THADA: variants seen among roughly 807,000 people sequenced by gnomAD.
THADA encodes the protein tRNA (32-2'-O)-methyltransferase regulator THADA.
A neutral mutation model predicts 219.8 loss-of-function variants in THADA; 213 were observed. The ratio of observed to expected loss-of-function variants is 0.97; its 90% CI spans 0.87 to 1.09. The LOEUF is 1.09. THADA is among the 50% of genes least tolerant of loss of function. The probability of loss-of-function intolerance (pLI) is 0.00; values close to 1 mark genes in which losing one functional copy is unlikely to be tolerated. For synonymous variants in THADA, 1,018 were observed against 828.9 expected (o/e 1.23, Z -3.92); for missense variants, 2,956 against 2,311.3 (o/e 1.28, Z -5.72).
In THADA at chr2:43,546,432, T is replaced by C. The variant is rs560939529; in HGVS notation, c.3106+2778A>G. ...TCAATTCCTGGATATCCTTGTTAAC[T>C]TTCTGTCTCGTTGATCTGTCTAATG... On this transcript the variant is annotated intron_variant, in intron 20 of 37. Coordinates refer to ENST00000405975, the MANE Select transcript of THADA (RefSeq NM_022065.5). 3.9e-5 allele frequency among the ~76,000 whole-genome samples: 6 copies of C among 152,234 alleles called. No individual in the cohort carries two copies. In the South Asian group the frequency reaches 1.3e-3, roughly 32 times the overall value.
At chr2:43,572,741 G>A in intron 12 of THADA, 73 bp downstream of exon 12, 1 of 1,340,268 alleles carries the variant, frequency 7.5e-7, no homozygotes, top group Non-Finnish European at 1.0e-6. Flanking sequence ...TACAATGTAG[G>A]GGCCTCTATA....
chr2:43,295,727 A>G (rs1675291364), intron 31 of THADA, among the ~76,000 whole-genome samples: 1 of 104,322 alleles, frequency 9.6e-6, no homozygotes, highest in South Asian at 2.4e-4. Context: ...CAGGTAACAG[A>G]AAAATTTATT....
intron 23 of THADA, among the ~76,000 whole-genome samples, chr2:43,506,451 G>A (rs1004171879): frequency 3.3e-5 from 5 of 152,134 alleles, no homozygotes; most frequent in African/African-American, 7.2e-5. Flanking sequence ...AAAACATTAC[G>A]ATAAGTGAAA....
intron 7 of THADA, among the ~76,000 whole-genome samples, chr2:43,585,085 A>C (rs1183619041): frequency 6.6e-6 from 1 of 152,160 alleles, no homozygotes; most frequent in African/African-American, 2.4e-5. Context: ...ACGTACTGAC[A>C]TCTTTAGGTT....
chr2:43,285,567 G>GTTT (rs796871846), intron 35 of THADA, among the ~76,000 whole-genome samples: 1 of 141,468 alleles, frequency 7.1e-6, no homozygotes, highest in Non-Finnish European at 1.6e-5. Context: ...GTCTCAGGTA[G>GTTT]TTTTTTTTTT....
chr2:43,346,169 G>A (rs1298928106), intron 29 of THADA, among the ~76,000 whole-genome samples: 1 of 152,190 alleles, frequency 6.6e-6, no homozygotes, highest in Non-Finnish European at 1.5e-5. Context: ...GAAGGAGAGG[G>A]AGAAGAGAAG....
chr2:43,540,018 A>G (rs779841880), intron 21 of THADA, among the ~76,000 whole-genome samples: 17 of 152,338 alleles, frequency 1.1e-4, no homozygotes, highest in Non-Finnish European at 2.2e-4. Flanking sequence ...CCAAAAAACT[A>G]AATGTTTTAA....
intron 26 of THADA, among the ~76,000 whole-genome samples, chr2:43,480,711 G>C (rs1050305752): frequency 4.0e-5 from 6 of 151,630 alleles, no homozygotes; most frequent in Admixed American, 3.9e-4. Context: ...CCAGCTACTC[G>C]GGAGGCTGAG....
At chr2:43,444,305 T>A (rs936785214) in intron 26 of THADA, among the ~76,000 whole-genome samples, 1 of 152,210 alleles carries the variant, frequency 6.6e-6, no homozygotes, top group African/African-American at 2.4e-5. Context: ...TGTTTTACAC[T>A]CTCTGTGCCT....
chr2:43,286,257 G>C (rs1317446507), intron 35 of THADA, among the ~76,000 whole-genome samples: 1 of 152,120 alleles, frequency 6.6e-6, no homozygotes, highest in African/African-American at 2.4e-5. Flanking sequence ...AGGAGGAGTG[G>C]GCTAGGGGAC....
At chr2:43,440,039 G>C (rs1228230454) in intron 26 of THADA, among the ~76,000 whole-genome samples, 1 of 152,016 alleles carries the variant, frequency 6.6e-6, no homozygotes, top group Non-Finnish European at 1.5e-5. Flanking sequence ...AATGGAAAAA[G>C]TAAAAATGCA....
At chr2:43,259,632 A>G (rs1670713569) in intron 36 of THADA, among the ~76,000 whole-genome samples, 1 of 152,242 alleles carries the variant, frequency 6.6e-6, no homozygotes, top group Non-Finnish European at 1.5e-5. Context: ...TTCAGTTAAC[A>G]ATATATCACG....
chr2:43,470,864 A>G (rs1684827846), intron 26 of THADA, among the ~76,000 whole-genome samples: 1 of 152,224 alleles, frequency 6.6e-6, no homozygotes, highest in Non-Finnish European at 1.5e-5. Flanking sequence ...TAAAATCAGC[A>G]GTGAACTGGT....
chr2:43,252,286 G>A (rs1041536751), intron 36 of THADA, among the ~76,000 whole-genome samples: 3 of 152,134 alleles, frequency 2.0e-5, no homozygotes, highest in Non-Finnish European at 4.4e-5. Flanking sequence ...CTGAGAACTT[G>A]TCATTATTTA....
At chr2:43,426,391 T>C (rs564382239) in intron 28 of THADA, among the ~76,000 whole-genome samples, 32 of 152,358 alleles carry the variant, frequency 2.1e-4, no homozygotes, top group African/African-American at 7.5e-4. Context: ...CTGTTTCTAA[T>C]GTAAACTGCA....
At chr2:43,291,441 C>G (rs977615374) in intron 34 of THADA, among the ~76,000 whole-genome samples, 2 of 15,746 alleles carry the variant, frequency 1.3e-4, no homozygotes, top group African/African-American at 5.4e-4. Flanking sequence ...GCAACAAGAG[C>G]AAAACTCCAT....
At chr2:43,497,329 A>G (rs1688388507) in intron 25 of THADA, among the ~76,000 whole-genome samples, 1 of 152,228 alleles carries the variant, frequency 6.6e-6, no homozygotes, top group Non-Finnish European at 1.5e-5. Flanking sequence ...AATGTAGTAC[A>G]TATACACCAT....
At chr2:43,407,001 A>G (rs1228588296) in intron 28 of THADA, among the ~76,000 whole-genome samples, 2 of 152,222 alleles carry the variant, frequency 1.3e-5, no homozygotes, top group Non-Finnish European at 2.9e-5. Flanking sequence ...TCAGGCAGCC[A>G]CTGACTCTTT....
At chr2:43,493,419 C>T (rs1005728496) in intron 25 of THADA, among the ~76,000 whole-genome samples, 2 of 152,138 alleles carry the variant, frequency 1.3e-5, no homozygotes, top group East Asian at 1.9e-4. Flanking sequence ...CGCTTGAACC[C>T]GGGAGGCAGA....
Sources: allele counts gnomAD v4.1 joint callset (sites outside exome capture counted in the v4.1 genomes callset), GRCh38; gene constraint gnomAD v4.1.1; transcripts MANE v1.5; gene names NCBI Gene and HGNC (gene_info 2026-07-23, HGNC 2026-07-21).